The following KDM4C variants were observed in gnomAD, a reference collection of about 807,000 sequenced individuals.
KDM4C encodes lysine-specific demethylase 4C.
In KDM4C, 81 loss-of-function variants were observed where a neutral mutation model predicts 129.3. The observed-to-expected ratio is 0.63, with a 90% CI of 0.52 to 0.75. KDM4C has a LOEUF of 0.75. Ranked by LOEUF, KDM4C falls within the 30% of genes least tolerant of loss-of-function variation. KDM4C has a pLI of 0.00. For synonymous variants in KDM4C, 573 were observed against 456.1 expected, an observed-to-expected ratio of 1.26 and a Z score of -3.26; for missense variants, 1,457 against 1,304.0, an observed-to-expected ratio of 1.12 and a Z score of -1.81.
chr9:6,836,494 C>A (rs939715238), intron 4 of KDM4C, among the ~76,000 whole-genome samples: 1 of 152,188 alleles, frequency 6.6e-6, no homozygotes, highest in Admixed American at 6.5e-5. Context: ...CAGTCAACAA[C>A]TACAACATTA....
intron 1 of KDM4C, among the ~76,000 whole-genome samples, chr9:6,762,641 T>G (rs557744508): frequency 1.4e-5 from 2 of 148,032 alleles, no homozygotes; most frequent in East Asian, 3.9e-4. Flanking sequence ...TAATATATAA[T>G]ATAATATATT....
intron 4 of KDM4C, among the ~76,000 whole-genome samples, chr9:6,834,298 A>C (rs1483822128): frequency 1.3e-5 from 2 of 152,002 alleles, no homozygotes; most frequent in African/African-American, 2.4e-5. Flanking sequence ...TGGCCTCCCA[A>C]AGTGCTGAGA....
chr9:7,087,716 A>G (rs1835298295), intron 17 of KDM4C, among the ~76,000 whole-genome samples: 1 of 152,230 alleles, frequency 6.6e-6, no homozygotes, highest in Non-Finnish European at 1.5e-5. Flanking sequence ...AACGTGAAAG[A>G]AGAGCCTGTT....
At chr9:6,828,171 G>T (rs10117867) in intron 4 of KDM4C, among the ~76,000 whole-genome samples, 1 of 151,304 alleles carries the variant, frequency 6.6e-6, no homozygotes, top group African/African-American at 2.4e-5. Context: ...TTTTTGAGAC[G>T]GAGCCTCGCA....
chr9:7,029,613 C>G (rs1564009838), intron 15 of KDM4C, among the ~76,000 whole-genome samples: 1 of 151,636 alleles, frequency 6.6e-6, no homozygotes, highest in African/African-American at 2.4e-5. Flanking sequence ...AATTAATAAA[C>G]AAAAAGGAAT....
At chr9:6,872,348 G>C (rs749092137) in intron 5 of KDM4C, among the ~76,000 whole-genome samples, 1 of 152,184 alleles carries the variant, frequency 6.6e-6, no homozygotes, top group Non-Finnish European at 1.5e-5. Context: ...AAGAGGTATT[G>C]ATTTGGGGTG....
intron 8 of KDM4C, among the ~76,000 whole-genome samples, chr9:6,980,695 C>A (rs945073224): frequency 6.6e-6 from 1 of 152,090 alleles, no homozygotes; most frequent in African/African-American, 2.4e-5. Context: ...TACATAGTTC[C>A]CTGTGAGGTC....
At chr9:6,757,718 CA>C, upstream of KDM4C, 2 of 985,598 alleles carry the variant, frequency 2.0e-6, no homozygotes, top group Non-Finnish European at 2.4e-6. Flanking sequence ...GGACCCCAGC[CA>C]GCGCTTCCGG....
intron 1 of KDM4C, among the ~76,000 whole-genome samples, chr9:6,752,241 G>A (rs993274417): frequency 1.0e-4 from 15 of 143,658 alleles, no homozygotes; most frequent in African/African-American, 3.7e-4. Context: ...GCTGAGGCAG[G>A]AGAATGGCGT....
intron 1 of KDM4C, among the ~76,000 whole-genome samples, chr9:6,733,778 T>A (rs1252035612): frequency 2.0e-5 from 3 of 152,170 alleles, no homozygotes; most frequent in Non-Finnish European, 4.4e-5. Flanking sequence ...TGGTTGTCTA[T>A]TTTTATGGTT....
At chr9:6,762,683 A>T (rs1234043863) in intron 1 of KDM4C, among the ~76,000 whole-genome samples, 1 of 146,074 alleles carries the variant, frequency 6.8e-6, no homozygotes, top group African/African-American at 2.5e-5. Flanking sequence ...TTTAAGATGG[A>T]GTCTCGCCCT....
chr9:6,942,282 A>AATGTGT (rs375848351), intron 8 of KDM4C, among the ~76,000 whole-genome samples: 1 of 142,624 alleles, frequency 7.0e-6, no homozygotes, highest in Non-Finnish European at 1.5e-5. Context: ...TAGCCCTCAA[A>AATGTGT]GTGTGTGTGT....
chr9:6,743,573 T>C (rs1357165958), intron 1 of KDM4C, among the ~76,000 whole-genome samples: 1 of 151,688 alleles, frequency 6.6e-6, no homozygotes, highest in African/African-American at 2.4e-5. Flanking sequence ...AGTGGTGGGA[T>C]CTTGGCTCAC....
intron 8 of KDM4C, among the ~76,000 whole-genome samples, chr9:6,972,065 G>C (rs1419662605): frequency 6.6e-6 from 1 of 152,054 alleles, no homozygotes; most frequent in Non-Finnish European, 1.5e-5. Flanking sequence ...CACAAAATAT[G>C]ATTACACGTG....
chr9:7,131,965 G>A (rs1158683161), intron 19 of KDM4C, among the ~76,000 whole-genome samples: 1 of 152,156 alleles, frequency 6.6e-6, no homozygotes, highest in African/African-American at 2.4e-5. Flanking sequence ...CACACAATGT[G>A]CATATCAGAT....
At chr9:6,786,354 A>G (rs1825496959) in intron 1 of KDM4C, among the ~76,000 whole-genome samples, 1 of 152,210 alleles carries the variant, frequency 6.6e-6, no homozygotes, top group African/African-American at 2.4e-5. Flanking sequence ...ACTTTATTCA[A>G]TGGAAAGGTC....
upstream of KDM4C, among the ~76,000 whole-genome samples, chr9:6,756,973 A>G (rs1034997247): frequency 3.3e-5 from 5 of 152,174 alleles, no homozygotes; most frequent in South Asian, 2.1e-4. Context: ...GATATGCCCA[A>G]TCTTTCTTAG....
At chr9:6,994,542 T>C (rs10815504) in intron 12 of KDM4C, among the ~76,000 whole-genome samples, 81,165 of 151,918 alleles carry the variant, frequency 0.53, 22,309 homozygotes, top group South Asian at 0.73. Context: ...CATTCCTCTC[T>C]TTTGCTTCCC....
intron 8 of KDM4C, chr9:6,924,709 C>T (rs1294889745): frequency 1.0e-6 from 1 of 966,352 alleles, no homozygotes; most frequent in Non-Finnish European, 1.2e-6. Flanking sequence ...ATGTGTCATC[C>T]TGGGAAACTC....
Sources: allele counts gnomAD v4.1 joint callset (sites outside exome capture counted in the v4.1 genomes callset), GRCh38; gene constraint gnomAD v4.1.1; transcripts MANE v1.5; gene names NCBI Gene and HGNC (gene_info 2026-07-23, HGNC 2026-07-21).